The following CARS2 variants were observed in gnomAD, a reference collection of about 807,000 sequenced individuals.
CARS2 encodes the protein cysteinyl-tRNA synthetase 2, mitochondrial.
In CARS2, 52 loss-of-function variants were observed where a neutral mutation model predicts 68.8. The observed-to-expected ratio is 0.76, with a 90% confidence interval of 0.61 to 0.95. The LOEUF (loss-of-function observed/expected upper bound fraction) is 0.95, where lower values mean the gene tolerates loss of function less well. CARS2 is among the 40% of genes least tolerant of loss of function. CARS2 has a pLI of 0.00. For missense variants in CARS2, 780 were observed against 754.2 expected (o/e 1.03, Z -0.40); for synonymous variants, 314 against 303.6 (o/e 1.03, Z -0.36).
chr13:110,647,177 A>T lies in CARS2; in HGVS notation c.1117T>A (p.Phe373Ile), dbSNP rs757359798. 2.5e-5 allele frequency: 40 copies of T among 1,613,010 alleles called. No individual in the cohort carries two copies. The highest frequency in any genetic ancestry group is 3.2e-5 in the Non-Finnish European group (38 of 1,179,870). Residue 373 changes from phenylalanine (F) to isoleucine (I), a missense_variant, in exon 11 of 15, where the codon TTC (phenylalanine) becomes ATC (isoleucine). Physicochemically the swap from Phe to Ile is conservative, Grantham distance 21 (BLOSUM62 0). Coordinates refer to ENST00000257347, the MANE Select transcript of CARS2 (RefSeq NM_024537.4). ...ATGTAGGCACGTGCGTCCTCCAGGA[A>T]AGAGCCCAGCCCCAGGAGCAGCTGC... ...AQQLLLGLGS[F>I]LEDARAYMKG...
At chr13:110,702,859 T>C (rs1375903509) in intron 2 of CARS2, among the ~76,000 whole-genome samples, 1 of 152,198 alleles carries the variant, frequency 6.6e-6, no homozygotes, top group African/African-American at 2.4e-5. Flanking sequence ...CCATGAACCA[T>C]GCTACCGTCA....
upstream of CARS2, among the ~76,000 whole-genome samples, chr13:110,710,545 AT>A (rs1191622100): frequency 6.6e-6 from 1 of 152,174 alleles, no homozygotes; most frequent in Admixed American, 6.5e-5. Flanking sequence ...TTTAACATCC[AT>A]TTTTGCAACA....
intron 3 of CARS2, among the ~76,000 whole-genome samples, chr13:110,693,484 C>T (rs1342939614): frequency 6.6e-6 from 1 of 152,030 alleles, no homozygotes; most frequent in Non-Finnish European, 1.5e-5. Context: ...CTCAGCCTCC[C>T]GAGTAGCTGG....
In CARS2 at chr13:110,677,001, C is replaced by T; in HGVS notation, c.758G>A (p.Trp253Ter). Residue 253 changes from tryptophan (W) to a stop codon, truncating the protein, a stop_gained, in exon 7 of 15, where the codon TGG becomes TAG. Transcript: ENST00000257347. LOFTEE classifies it high-confidence loss of function. ...AGCGATGGCAGAGCACTCGATGTGC[C>T]AGCCCGGCCTCCCGGGTCCCCAGGG... Reference protein sequence around the residue: ...ASPWGPGRPGWHIECSAIASM... With the variant: ...ASPWGPGRPG 6.3e-7 allele frequency: 1 copy of T among 1,597,082 alleles called. No homozygotes were observed. The highest frequency in any genetic ancestry group is 2.3e-5 in the East Asian group (1 of 44,088).
chr13:110,658,172 C>T (rs1397214113), intron 9 of CARS2, among the ~76,000 whole-genome samples: 1 of 152,064 alleles, frequency 6.6e-6, no homozygotes, highest in Non-Finnish European at 1.5e-5. Context: ...CTAGAAAGAA[C>T]AATGAAATAT....
intron 9 of CARS2, among the ~76,000 whole-genome samples, chr13:110,654,948 A>G (rs2062326717): frequency 7.4e-6 from 1 of 135,818 alleles, no homozygotes; most frequent in Non-Finnish European, 1.5e-5. Flanking sequence ...AAAAGAAAAA[A>G]AAAGAAAAAG....
intron 9 of CARS2, among the ~76,000 whole-genome samples, chr13:110,662,522 C>T (rs576724718): frequency 6.6e-6 from 1 of 152,270 alleles, no homozygotes; most frequent in Non-Finnish European, 1.5e-5. Flanking sequence ...TTGTTTTTCT[C>T]TTGCTAATCT....
rs1379196187 is a variant in CARS2, at chr13:110,665,251, GC to G, written c.920-1734del. On this transcript the variant is annotated intron_variant, in intron 8 of 14. Transcript: ENST00000257347. The surrounding 1 kb of genome is among the most constrained non-coding windows in gnomAD (Gnocchi z 4.3). ...ACTTGAGGTCAGGGGTTTGAGCCCA[GC>G]CTGGCCAACATGGTGAAACCCTGCT... The G allele has an allele frequency of 1.3e-6, 1 of 799,118 alleles. No individual in the cohort carries two copies. Among genetic ancestry groups the G allele is most frequent in the Non-Finnish European group, 1.5e-6 (1 of 660,126 alleles). The allele number at this position is 799,118 out of a possible 1,614,324, so 49.5% of individuals were successfully genotyped here.
At chr13:110,645,816 G>T in intron 12 of CARS2, 151 bp downstream of exon 12, 1 of 1,034,722 alleles carries the variant, frequency 9.7e-7, no homozygotes, top group Non-Finnish European at 1.4e-6. Flanking sequence ...GTGTGTCAGC[G>T]GCAGACTCGG....
intron 9 of CARS2, among the ~76,000 whole-genome samples, chr13:110,652,328 A>T (rs1168633385): frequency 6.6e-6 from 1 of 152,242 alleles, no homozygotes; most frequent in African/African-American, 2.4e-5. Flanking sequence ...GTGAGCCGGA[A>T]ACGGCGGAGT....
chr13:110,663,446 G>A lies in CARS2; in HGVS notation c.987+5C>T, dbSNP rs1465957770. On this transcript the variant is annotated splice_donor_5th_base_variant and intron_variant, in intron 9 of 14. Transcript: ENST00000257347. ...CTCAGAGATACAATACAAAAAGCAC[G>A]TTACCTTAATAGTAATGTAGTTCTT... 5.0e-6 allele frequency: 8 copies of A among 1,611,764 alleles called. No individual in the cohort carries two copies. Among genetic ancestry groups the A allele is most frequent in the African/African-American group, 4.0e-5 (3 of 74,704 alleles).
chr13:110,663,606 G>A, intron 8 of CARS2, 88 bp from the exon 9 acceptor site: 4 of 1,559,852 alleles, frequency 2.6e-6, no homozygotes, highest in Non-Finnish European at 3.5e-6. Flanking sequence ...AAACGAATGG[G>A]AACCTGCACA....
chr13:110,654,813 G>A (rs1411722091), intron 9 of CARS2, among the ~76,000 whole-genome samples: 1 of 151,376 alleles, frequency 6.6e-6, no homozygotes, highest in Non-Finnish European at 1.5e-5. Context: ...CTCCTCAGGA[G>A]GCTGAAATGG....
At chr13:110,661,336 C>T (rs1051399334) in intron 9 of CARS2, among the ~76,000 whole-genome samples, 4 of 152,208 alleles carry the variant, frequency 2.6e-5, no homozygotes, top group African/African-American at 9.7e-5. Flanking sequence ...ACCTCACAAA[C>T]CAACCCCTGC....
At position 110,662,295 on chromosome 13, in the gene CARS2, C is replaced by T. The variant is rs370541827; in HGVS notation, c.987+1156G>A. 1.3e-4 allele frequency among the ~76,000 whole-genome samples: 20 copies of T among 149,614 alleles called. No homozygotes were observed. The South Asian group carries it at 2.6e-3, about 19-fold the overall frequency. ...GTGGCCGGGCTCCGACCCCCCTCTGCGTCATGCAACCCCATGGCCGGCTTC... is the reference window on the plus strand; with the variant it reads ...GTGGCCGGGCTCCGACCCCCCTCTGTGTCATGCAACCCCATGGCCGGCTTC... On this transcript the variant is annotated intron_variant, in intron 9 of 14. Transcript: ENST00000257347.
chr13:110,712,932 G>T, intron 1 of CARS2: 9 of 1,557,070 alleles, frequency 5.8e-6, no homozygotes, highest in African/African-American at 1.4e-5. Context: ...GCGCAGGCGC[G>T]GGAGCCGCCT....
chr13:110,663,600 G>A (rs148066428), intron 8 of CARS2, 82 bp from the exon 9 acceptor site: 910 of 1,568,220 alleles, frequency 5.8e-4, no homozygotes, highest in Non-Finnish European at 5.0e-4. Context: ...CCCAGGAAAC[G>A]AATGGGAACC....
chr13:110,679,333 C>T (rs2063068649), intron 6 of CARS2, among the ~76,000 whole-genome samples: 1 of 151,774 alleles, frequency 6.6e-6, no homozygotes, highest in Admixed American at 6.6e-5. Context: ...AGTTCGAGAC[C>T]AGCCTGACCA....
intron 9 of CARS2, among the ~76,000 whole-genome samples, chr13:110,661,455 G>C (rs1029833910): frequency 6.6e-6 from 1 of 152,178 alleles, no homozygotes; most frequent in African/African-American, 2.4e-5. Context: ...GAATGTTGTG[G>C]CTGGTTTGAT....
Sources: allele counts gnomAD v4.1 joint callset (sites outside exome capture counted in the v4.1 genomes callset), GRCh38; gene constraint gnomAD v4.1.1; non-coding constraint Gnocchi (gnomAD v3.1); transcripts MANE v1.5; gene names NCBI Gene and HGNC (gene_info 2026-07-23, HGNC 2026-07-21).